CAPS2: variants seen among roughly 807,000 people sequenced by gnomAD.
CAPS2 encodes the protein calcyphosine 2, also known as calcyphosin-2.
CAPS2 carries 98 observed loss-of-function variants against 86.5 expected under a neutral mutation model. The ratio of observed to expected loss-of-function variants is 1.13; its 90% CI spans 0.96 to 1.34. The LOEUF (loss-of-function observed/expected upper bound fraction) is 1.34, where lower values mean the gene tolerates loss of function less well. CAPS2 is among the 40% of genes most tolerant of loss of function. CAPS2 has a pLI of 0.00. For missense variants in CAPS2, 729 were observed against 686.8 expected (o/e 1.06, Z -0.69); for synonymous variants, 210 against 225.1 (o/e 0.93, Z 0.60).
At chr12:75,367,268 G>GAAA (rs35250320) in intron 1 of CAPS2, among the ~76,000 whole-genome samples, 60 of 88,692 alleles carry the variant, frequency 6.8e-4, no homozygotes, top group East Asian at 1.0e-3. Context: ...TTCCTAGGAG[G>GAAA]AAAAAAAAAA....
At chr12:75,301,655 A>C (rs898770760) in intron 8 of CAPS2, among the ~76,000 whole-genome samples, 1 of 152,234 alleles carries the variant, frequency 6.6e-6, no homozygotes, top group Non-Finnish European at 1.5e-5. Flanking sequence ...GTCCAGGGCC[A>C]TATGATTAGT....
At chr12:75,366,744 A>G in intron 1 of CAPS2, 1 of 621,982 alleles carries the variant, frequency 1.6e-6, no homozygotes, top group South Asian at 1.9e-5. Context: ...GCAGTGTTTT[A>G]CCAATGAGTC....
At chr12:75,348,430 T>A (rs907487698) in intron 1 of CAPS2, among the ~76,000 whole-genome samples, 36 of 152,186 alleles carry the variant, frequency 2.4e-4, no homozygotes, top group African/African-American at 8.7e-4. Flanking sequence ...CCATGACCTT[T>A]CACTTGGAAG....
rs77854934 is a variant in CAPS2, at chr12:75,309,615, G to T, written c.659+3233C>A. Among the ~76,000 whole-genome samples, 697 of 152,282 alleles carry T rather than the reference G, an allele frequency of 4.6e-3. 11 individuals carry two copies. The highest frequency in any genetic ancestry group is 0.016 in the African/African-American group (667 of 41,550). ...CATGAACCTTCAAAACTATGAAAAT[G>T]AAACAACAATTCAAAGATAGAAGAA... is the stretch of plus-strand genomic sequence containing the variant. On this transcript the variant is annotated intron_variant, in intron 7 of 16. Transcript: ENST00000393284.
intron 1 of CAPS2, among the ~76,000 whole-genome samples, chr12:75,355,836 A>T (rs188819258): frequency 2.0e-5 from 3 of 152,204 alleles, no homozygotes; most frequent in African/African-American, 4.8e-5. Context: ...AGGGACATGG[A>T]TGGAGCTAGA....
intron 1 of CAPS2, among the ~76,000 whole-genome samples, chr12:75,346,370 C>T (rs968644232): frequency 2.6e-5 from 4 of 152,092 alleles, no homozygotes; most frequent in African/African-American, 9.7e-5. Context: ...TCACCAAAAC[C>T]ACAAAGATGG....
chr12:75,338,418 C>T (rs1323842502), intron 1 of CAPS2, among the ~76,000 whole-genome samples: 1 of 152,096 alleles, frequency 6.6e-6, no homozygotes, highest in African/African-American at 2.4e-5. Context: ...GTCTGCCACT[C>T]TTCATAGATT....
chr12:75,346,870 C>A (rs1045346245), intron 1 of CAPS2, among the ~76,000 whole-genome samples: 3 of 151,932 alleles, frequency 2.0e-5, no homozygotes, highest in Non-Finnish European at 4.4e-5. Flanking sequence ...AAAATTTATT[C>A]TGTGTCTAAA....
intron 1 of CAPS2, among the ~76,000 whole-genome samples, chr12:75,376,871 A>G (rs565366544): frequency 6.6e-6 from 1 of 152,290 alleles, no homozygotes; most frequent in South Asian, 2.1e-4. Context: ...ACTCTCACTC[A>G]GGGCAATCTT....
intron 1 of CAPS2, among the ~76,000 whole-genome samples, chr12:75,344,910 A>G (rs1593699133): frequency 6.6e-6 from 1 of 152,134 alleles, no homozygotes; most frequent in African/African-American, 2.4e-5. Context: ...TAATACCCTG[A>G]GAATTATGAA....
intron 16 of CAPS2, among the ~76,000 whole-genome samples, chr12:75,281,914 T>G (rs774851586): frequency 2.5e-4 from 38 of 152,134 alleles, no homozygotes; most frequent in South Asian, 4.1e-4. Context: ...TGGATAACTA[T>G]ATAAGCAGAT....
upstream of CAPS2, chr12:75,330,118 G>A: frequency 2.7e-6 from 1 of 367,120 alleles, no homozygotes; most frequent in Non-Finnish European, 4.9e-6. Context: ...GACCTCCAGG[G>A]ACGAAAAGGT....
chr12:75,333,212 A>C (rs1346284255), upstream of CAPS2, among the ~76,000 whole-genome samples: 1 of 150,820 alleles, frequency 6.6e-6, no homozygotes, highest in Non-Finnish European at 1.5e-5. Flanking sequence ...AGACATCTGT[A>C]TCTCTCTCTG....
intron 6 of CAPS2, among the ~76,000 whole-genome samples, chr12:75,315,533 C>T (rs963222615): frequency 2.0e-5 from 3 of 152,114 alleles, no homozygotes; most frequent in Admixed American, 6.6e-5. Context: ...TAATTCAGAA[C>T]ATAATTGATT....
intron 12 of CAPS2, 124 bp from the exon 13 acceptor site, chr12:75,291,944 T>C (rs964790771): frequency 2.4e-5 from 9 of 379,724 alleles, no homozygotes; most frequent in Middle Eastern, 5.7e-4. Flanking sequence ...GAAGAGTGCT[T>C]AGAATTTAAT....
At chr12:75,345,661 A>T (rs1287162422) in intron 1 of CAPS2, among the ~76,000 whole-genome samples, 1 of 152,184 alleles carries the variant, frequency 6.6e-6, no homozygotes, top group Admixed American at 6.5e-5. Flanking sequence ...ATGTTGGTAA[A>T]GTATATGGTT....
exon 17 of CAPS2, chr12:75,278,407 A>T (rs1317213003): frequency 3.0e-6 from 3 of 984,276 alleles, no homozygotes; most frequent in Non-Finnish European, 3.6e-6. Flanking sequence ...TGTTAAAAAC[A>T]CATTGAATTA....
At chr12:75,384,447 A>G (rs1418527617) in intron 1 of CAPS2, among the ~76,000 whole-genome samples, 1 of 152,186 alleles carries the variant, frequency 6.6e-6, no homozygotes, top group Non-Finnish European at 1.5e-5. Context: ...CTCACAACTC[A>G]TGCAAGAAGA....
chr12:75,341,881 TG>T (rs1296541339), intron 1 of CAPS2, among the ~76,000 whole-genome samples: 7 of 151,496 alleles, frequency 4.6e-5, no homozygotes, highest in African/African-American at 1.7e-4. Context: ...CCTGAGTAGT[TG>T]GGATTACAAG....
Sources: allele counts gnomAD v4.1 joint callset (sites outside exome capture counted in the v4.1 genomes callset), GRCh38; gene constraint gnomAD v4.1.1; transcripts MANE v1.5; gene names NCBI Gene and HGNC (gene_info 2026-07-23, HGNC 2026-07-21).